The following ITGA11 variants were observed in gnomAD, a reference collection of about 807,000 sequenced individuals.
The protein encoded by ITGA11 is integrin alpha-11.
Under a neutral mutation model 141.9 loss-of-function variants are expected in ITGA11, and 97 were observed. The ratio of observed to expected loss-of-function variants is 0.68; its 90% CI spans 0.58 to 0.81. ITGA11 has a LOEUF of 0.81. Ranked by LOEUF, ITGA11 falls within the 30% of genes least tolerant of loss-of-function variation. The probability of loss-of-function intolerance (pLI) is 0.00; values close to 1 mark genes in which losing one functional copy is unlikely to be tolerated. For missense variants in ITGA11, 1,387 were observed against 1,559.2 expected, an observed-to-expected ratio of 0.89 and a Z score of 1.86; for synonymous variants, 658 against 624.6, an observed-to-expected ratio of 1.05 and a Z score of -0.80.
At chr15:68,424,616 A>G (rs1897097299) in intron 1 of ITGA11, among the ~76,000 whole-genome samples, 1 of 152,158 alleles carries the variant, frequency 6.6e-6, no homozygotes, top group African/African-American at 2.4e-5. Context: ...CTTCCCTCCT[A>G]GTGCTGACCC....
chr15:68,371,437 G>A (rs1019309645), intron 2 of ITGA11, among the ~76,000 whole-genome samples: 1 of 152,198 alleles, frequency 6.6e-6, no homozygotes, highest in Admixed American at 6.5e-5. Flanking sequence ...GGCCAGCTGG[G>A]TGCAGTGGCT....
chr15:68,411,318 C>A (rs1896766262), intron 1 of ITGA11, among the ~76,000 whole-genome samples: 1 of 152,156 alleles, frequency 6.6e-6, no homozygotes, highest in South Asian at 2.1e-4. Flanking sequence ...CAACGACAAC[C>A]CTGGAGAGGC....
rs544295903 is a variant in ITGA11, at chr15:68,304,242, G to A, written c.3382-357C>T. Reference sequence around the variant, plus strand: ...ACTTCTAAAGGTCAGTGTCTCCCACGGTTCAGTCCTTGCACCTCTTCTTTT... The same window carrying A: ...ACTTCTAAAGGTCAGTGTCTCCCACAGTTCAGTCCTTGCACCTCTTCTTTT... On this transcript the variant is annotated intron_variant, in intron 28 of 29. Transcript: ENST00000315757. This position sits in a 1 kb window ranked among gnomAD's most constrained non-coding sequence, Gnocchi z 6.1. Among the ~76,000 whole-genome samples, 1 of 152,270 alleles carries A rather than the reference G, an allele frequency of 6.6e-6. No individual in the cohort carries two copies. The highest frequency in any genetic ancestry group is 2.1e-4 in the South Asian group (1 of 4,826).
chr15:68,375,597 T>C (rs1895708232), intron 2 of ITGA11, among the ~76,000 whole-genome samples: 1 of 152,174 alleles, frequency 6.6e-6, no homozygotes, highest in Non-Finnish European at 1.5e-5. Context: ...CTGCAGGGGC[T>C]TGTGGTTCAC....
chr15:68,385,007 G>A (rs1465733565), intron 2 of ITGA11, among the ~76,000 whole-genome samples: 1 of 152,160 alleles, frequency 6.6e-6, no homozygotes, highest in Admixed American at 6.5e-5. Flanking sequence ...CTTTCTCCAG[G>A]GCATAGGCCA....
At chr15:68,384,887 C>A (rs916925077) in intron 2 of ITGA11, among the ~76,000 whole-genome samples, 2 of 152,192 alleles carry the variant, frequency 1.3e-5, no homozygotes, top group Non-Finnish European at 2.9e-5. Context: ...GGCCTGGCAG[C>A]CTGCACTGTC....
chr15:68,387,870 C>T (rs895242241), intron 2 of ITGA11, among the ~76,000 whole-genome samples: 7 of 152,104 alleles, frequency 4.6e-5, no homozygotes, highest in East Asian at 1.9e-4. Context: ...CTTCTCTCTC[C>T]GCCTTCTCTT....
At chr15:68,336,097 A>AAAGGAAGC in intron 11 of ITGA11, 1 of 556,244 alleles carries the variant, frequency 1.8e-6, no homozygotes. Flanking sequence ...TGGAGAAAAT[A>AAAGGAAGC]AAGGAAGCCA....
In ITGA11 at chr15:68,352,007, C is replaced by T. The variant is rs545860574; in HGVS notation, c.750-605G>A. ...CTGAGGCAGGAGAATTGCTTGAACC[C>T]GGGAGGCGGAGGTTGCAGTGAGCCA... On this transcript the variant is annotated intron_variant, in intron 7 of 29. Coordinates refer to ENST00000315757, the MANE Select transcript of ITGA11 (RefSeq NM_001004439.2). 3.1e-3 allele frequency among the ~76,000 whole-genome samples: 465 copies of T among 151,634 alleles called. 3 individuals are homozygous for T. Among genetic ancestry groups the T allele is most frequent in the Non-Finnish European group, 4.6e-3 (313 of 67,894 alleles).
chr15:68,406,860 C>T (rs1164944323), intron 1 of ITGA11, among the ~76,000 whole-genome samples: 1 of 152,140 alleles, frequency 6.6e-6, no homozygotes, highest in Non-Finnish European at 1.5e-5. Flanking sequence ...GGCATCTAAC[C>T]GTGAGTTTTA....
At chr15:68,410,899 G>A (rs966554785) in intron 1 of ITGA11, among the ~76,000 whole-genome samples, 1 of 152,192 alleles carries the variant, frequency 6.6e-6, no homozygotes, top group African/African-American at 2.4e-5. Flanking sequence ...CTCTGACTCT[G>A]GGGAGAAGCA....
At chr15:68,380,676 A>G (rs539244008) in intron 2 of ITGA11, among the ~76,000 whole-genome samples, 1 of 152,314 alleles carries the variant, frequency 6.6e-6, no homozygotes, top group Admixed American at 6.5e-5. Context: ...GCTGGGGCTC[A>G]CAGGGAGGGT....
chr15:68,362,295 G>A (rs1319055989), intron 4 of ITGA11, among the ~76,000 whole-genome samples: 2 of 152,226 alleles, frequency 1.3e-5, no homozygotes, highest in East Asian at 3.8e-4. Flanking sequence ...CATTAAAAAT[G>A]AAAGCTCAGC....
intron 10 of ITGA11, among the ~76,000 whole-genome samples, chr15:68,342,257 G>A (rs1198486107): frequency 6.6e-6 from 1 of 152,230 alleles, no homozygotes; most frequent in Non-Finnish European, 1.5e-5. Context: ...TGTGTCCCCC[G>A]CTCTGCAGGC....
chr15:68,309,241 T>A (rs1893300431), intron 26 of ITGA11, among the ~76,000 whole-genome samples: 1 of 152,238 alleles, frequency 6.6e-6, no homozygotes, highest in Admixed American at 6.5e-5. Flanking sequence ...TTTTTCGGAA[T>A]GCTCAGAACA....
In ITGA11 at chr15:68,364,771, T is replaced by A; in HGVS notation, c.293A>T (p.Glu98Val). The A allele has an allele frequency of 1.9e-6, 3 of 1,613,550 alleles. No individual in the cohort carries two copies. The highest frequency in any genetic ancestry group is 2.5e-6 in the Non-Finnish European group (3 of 1,179,688). The change falls in exon 4 of 30, where the codon GAG becomes GTG. Residue 98 changes from glutamate to valine, a missense_variant. Transcript: ENST00000315757. ...LGRVTLSNVSERKDNMRLGLS... is the reference protein window; with the variant it reads ...LGRVTLSNVSVRKDNMRLGLS... The stretch of plus-strand genomic sequence containing the variant: ...GCCGAGGCGCATGTTGTCTTTCCGC[T>A]CGGACACGTTGGACAGGGTGACCCT...
intron 21 of ITGA11, 70 bp downstream of exon 21, chr15:68,317,195 G>T: frequency 3.7e-6 from 4 of 1,089,718 alleles, no homozygotes; most frequent in Non-Finnish European, 4.3e-6. Context: ...TGCTCTTGCC[G>T]CCCTCCCCAA....
intron 4 of ITGA11, 33 bp from the exon 5 acceptor site, chr15:68,361,737 A>T: frequency 6.8e-7 from 1 of 1,460,398 alleles, no homozygotes; most frequent in Non-Finnish European, 9.5e-7. Flanking sequence ...CCAGTCAGTG[A>T]GGGGACCTCA....
chr15:68,321,358 C>T lies in ITGA11; in HGVS notation c.2408+60G>A. The T allele has an allele frequency of 9.1e-7, 1 of 1,102,416 alleles. No individual in the cohort carries two copies. The allele number at this position is 1,102,416 out of a possible 1,614,324, so 68.3% of individuals were successfully genotyped here. Reference sequence around the variant, plus strand: ...GAAATAATCCAGGGCCCCAGGAGCCCCAGAGCCTCTGGCAGTGAAGGGGAA... The same window carrying T: ...GAAATAATCCAGGGCCCCAGGAGCCTCAGAGCCTCTGGCAGTGAAGGGGAA... On this transcript the variant is annotated intron_variant, in intron 19 of 29. Coordinates refer to ENST00000315757, the MANE Select transcript of ITGA11 (RefSeq NM_001004439.2). This position sits in a 1 kb window ranked among gnomAD's most constrained non-coding sequence, Gnocchi z 4.9.
Sources: allele counts gnomAD v4.1 joint callset (sites outside exome capture counted in the v4.1 genomes callset), GRCh38; gene constraint gnomAD v4.1.1; non-coding constraint Gnocchi (gnomAD v3.1); transcripts MANE v1.5; gene names NCBI Gene and HGNC (gene_info 2026-07-23, HGNC 2026-07-21).